SIPA1: variants seen among roughly 807,000 people sequenced by gnomAD.
The protein encoded by SIPA1 is signal-induced proliferation-associated protein 1.
Under a neutral mutation model 88.1 loss-of-function variants are expected in SIPA1, and 51 were observed. The observed-to-expected ratio is 0.58, with a 90% CI of 0.46 to 0.73. The LOEUF is 0.73. Among genes scored for constraint, SIPA1 ranks in the 30% least tolerant of loss-of-function variants. The probability of loss-of-function intolerance (pLI) is 0.00; values close to 1 mark genes in which losing one functional copy is unlikely to be tolerated. For synonymous variants in SIPA1, 681 were observed against 664.8 expected, an observed-to-expected ratio of 1.02 and a Z score of -0.37; for missense variants, 1,348 against 1,467.6, an observed-to-expected ratio of 0.92 and a Z score of 1.33.
In SIPA1 at chr11:65,646,451, C is replaced by A; in HGVS notation, c.1422-5C>A. ...CGCCCCTCACTAACGCCTCCCTCCC[C>A]GCAGGGTGGCCGTGAGCCGCACCCA... On this transcript the variant is annotated splice_region_variant and splice_polypyrimidine_tract_variant and intron_variant, in intron 7 of 15. Coordinates refer to ENST00000534313, the MANE Select transcript of SIPA1 (RefSeq NM_006747.4). The surrounding 1 kb of genome is among the most constrained non-coding windows in gnomAD (Gnocchi z 7.5). 6.3e-7 allele frequency: 1 copy of A among 1,587,682 alleles called. No homozygotes were observed. The highest frequency in any genetic ancestry group is 8.5e-7 in the Non-Finnish European group (1 of 1,171,534).
Position 65,646,885 on chromosome 11 carries a change from T to G in SIPA1, c.1851T>G (p.Ala617=). 1 of 1,509,396 alleles carries G rather than the reference T, an allele frequency of 6.6e-7. No homozygotes were observed. The highest frequency in any genetic ancestry group is 2.1e-5 in the Admixed American group (1 of 48,776). The allele number at this position is 1,509,396 out of a possible 1,614,324, so 93.5% of individuals were successfully genotyped here. The change falls in exon 8 of 16, where the codon GCT becomes GCG. Residue 617 remains alanine, a synonymous_variant. Coordinates refer to ENST00000534313, the MANE Select transcript of SIPA1 (RefSeq NM_006747.4). This position sits in a 1 kb window ranked among gnomAD's most constrained non-coding sequence, Gnocchi z 7.5. ...VPCLLGISAE[A]LVLVAPRDGR... is the part of the protein sequence containing the mutation. Reference sequence around the variant, plus strand: ...GCCTGCTGGGCATCTCGGCCGAGGCTCTGGTGCTGGTGGCGCCGCGCGACG... The same window carrying G: ...GCCTGCTGGGCATCTCGGCCGAGGCGCTGGTGCTGGTGGCGCCGCGCGACG...
In SIPA1 at chr11:65,647,446, G is replaced by A; in HGVS notation, c.2094G>A (p.Leu698=). 6.7e-7 allele frequency: 1 copy of A among 1,481,806 alleles called. No homozygotes were observed. Among genetic ancestry groups the A allele is most frequent in the Non-Finnish European group, 8.9e-7 (1 of 1,124,372 alleles). 91.8% of individuals were successfully genotyped at this position (1,481,806 alleles called of 1,614,324 possible). The part of the protein sequence containing the change: ...LALPRDGQGR[L]GFEVDAEGFV... ...TGCCCCGCGACGGTCAAGGCCGCCT[G>A]GGCTTCGAGGTGGACGCCGAGGGAT... Residue 698 remains leucine (L), a synonymous_variant, in exon 9 of 16, where the codon CTG becomes CTA. Coordinates refer to ENST00000534313, the MANE Select transcript of SIPA1 (RefSeq NM_006747.4).
chr11:65,642,064 C>G lies in SIPA1; in HGVS notation c.680-186C>G. 1.2e-6 allele frequency: 1 copy of G among 834,434 alleles called. No homozygotes were observed. The highest frequency in any genetic ancestry group is 1.8e-6 in the Non-Finnish European group (1 of 552,070). 51.7% of individuals were successfully genotyped at this position (834,434 alleles called of 1,614,324 possible). A position where few individuals can be genotyped will look rare whatever the true frequency, so the allele number is the denominator to read the frequency against. On this transcript the variant is annotated intron_variant, in intron 2 of 15. Coordinates refer to ENST00000534313, the MANE Select transcript of SIPA1 (RefSeq NM_006747.4). The surrounding 1 kb of genome is among the most constrained non-coding windows in gnomAD (Gnocchi z 6.5). ...CGTGGGTCTAGGTCTGGGTCTGGGT[C>G]CACCTCTGGGTCAGGGTTGAGATCA...
In SIPA1 at chr11:65,650,381, C is replaced by G. The variant is rs1361429675; in HGVS notation, c.2904-20C>G. The G allele has an allele frequency of 6.2e-7, 1 of 1,613,090 alleles. No homozygotes were observed. The highest frequency in any genetic ancestry group is 1.1e-5 in the South Asian group (1 of 91,018). On this transcript the variant is annotated intron_variant, in intron 14 of 15. Transcript: ENST00000534313. ...GCCCCCTGCCTTGGTCCTGCTGAGTCTTGACCCCCATGTCTTCAGGCCAGA... is the reference window on the plus strand; with the variant it reads ...GCCCCCTGCCTTGGTCCTGCTGAGTGTTGACCCCCATGTCTTCAGGCCAGA...
intron 14 of SIPA1, 41 bp downstream of exon 14, chr11:65,650,233 A>G (rs1856235948): frequency 6.2e-7 from 1 of 1,602,168 alleles, no homozygotes; most frequent in Non-Finnish European, 8.5e-7. Flanking sequence ...ACCTGCCCAC[A>G]TGACCCCCCC....
chr11:65,646,080 C>A lies in SIPA1; in HGVS notation c.1263+123C>A. The stretch of plus-strand genomic sequence containing the variant: ...CCAACAGCCCGCCCCTCTGGTGGCC[C>A]CTTCCCAAAGACAGAAACACCCTAG... On this transcript the variant is annotated intron_variant, in intron 6 of 15. Coordinates refer to ENST00000534313, the MANE Select transcript of SIPA1 (RefSeq NM_006747.4). This position sits in a 1 kb window ranked among gnomAD's most constrained non-coding sequence, Gnocchi z 7.5. 1.5e-6 allele frequency: 2 copies of A among 1,297,402 alleles called. No individual in the cohort carries two copies. The highest frequency in any genetic ancestry group is 2.2e-6 in the Non-Finnish European group (2 of 923,132). 80.4% of individuals were successfully genotyped at this position (1,297,402 alleles called of 1,614,324 possible). A position where few individuals can be genotyped will look rare whatever the true frequency, so the allele number is the denominator to read the frequency against.
chr11:65,648,634 G>C (rs1364663796), intron 9 of SIPA1, among the ~76,000 whole-genome samples: 1 of 152,100 alleles, frequency 6.6e-6, no homozygotes, highest in Non-Finnish European at 1.5e-5. Context: ...AGGAGTTCGA[G>C]ACCAGCCTGG....
In SIPA1 at chr11:65,646,044, C is replaced by T. The variant is rs756930780; in HGVS notation, c.1263+87C>T. On this transcript the variant is annotated intron_variant, in intron 6 of 15. Transcript: ENST00000534313. The surrounding 1 kb of genome is among the most constrained non-coding windows in gnomAD (Gnocchi z 7.5). Reference sequence around the variant, plus strand: ...CATGACGTTTGAGCTTTGGCCGGAGCTCTGTTGGCCCCAACAGCCCGCCCC... The same window carrying T: ...CATGACGTTTGAGCTTTGGCCGGAGTTCTGTTGGCCCCAACAGCCCGCCCC... The T allele has an allele frequency of 8.1e-5, 104 of 1,281,410 alleles. No individual in the cohort carries two copies. The highest frequency in any genetic ancestry group is 1.1e-4 in the Non-Finnish European group (103 of 907,742). The allele number at this position is 1,281,410 out of a possible 1,614,324, so 79.4% of individuals were successfully genotyped here.
In SIPA1 at chr11:65,644,960, C is replaced by T; in HGVS notation, c.990C>T (p.Ser330=). The T allele has an allele frequency of 1.2e-6, 2 of 1,612,276 alleles. No homozygotes were observed. The highest frequency in any genetic ancestry group is 1.7e-6 in the Non-Finnish European group (2 of 1,178,798). Residue 330 remains serine (S), a synonymous_variant, in exon 5 of 16, where the codon AGC becomes AGT. Coordinates refer to ENST00000534313, the MANE Select transcript of SIPA1 (RefSeq NM_006747.4). ...TLLTLDEQVL[S]FQRKVGILYC... Reference sequence around the variant, plus strand: ...CTTCTGTCTCCCACCCACAGCTGAGCTTCCAACGCAAGGTGGGCATCCTGT... The same window carrying T: ...CTTCTGTCTCCCACCCACAGCTGAGTTTCCAACGCAAGGTGGGCATCCTGT...
At position 65,649,490 on chromosome 11, in the gene SIPA1, C is replaced by T. The variant is rs1231246127; in HGVS notation, c.2525+10C>T. On this transcript the variant is annotated intron_variant, in intron 10 of 15. Transcript: ENST00000534313. ...CGCTGTCACCACGCAGGTGCACACT[C>T]TTGGCCTTCCCTCTCCTCCAGGCCT... is the stretch of plus-strand genomic sequence containing the variant. The T allele has an allele frequency of 1.2e-6, 2 of 1,613,718 alleles. No homozygotes were observed. The highest frequency in any genetic ancestry group is 1.7e-6 in the Non-Finnish European group (2 of 1,179,708).
chr11:65,643,123 G>C (rs1342065322), intron 4 of SIPA1, among the ~76,000 whole-genome samples: 1 of 152,076 alleles, frequency 6.6e-6, no homozygotes, highest in Admixed American at 6.6e-5. Flanking sequence ...TACCATGTTG[G>C]CCACGCTGGT....
intron 5 of SIPA1, 57 bp downstream of exon 5, chr11:65,645,186 A>G: frequency 5.9e-6 from 9 of 1,516,444 alleles, no homozygotes; most frequent in Non-Finnish European, 8.1e-6. Context: ...GGTGAGCACA[A>G]ATTGCCTTGT....
rs1855931785 is a variant in SIPA1 at position 65,638,112 on chromosome 11, C to CGGGAGCGGTAGCGG, written c.-160_-147dup. The CGGGAGCGGTAGCGG allele has an allele frequency of 6.6e-6, 1 of 151,536 alleles. No homozygotes were observed. Among genetic ancestry groups the CGGGAGCGGTAGCGG allele is most frequent in the African/African-American group, 2.4e-5 (1 of 41,178 alleles). The allele number at this position is 151,536 out of a possible 1,614,324, so 9.4% of individuals were successfully genotyped here. On this transcript the variant is annotated 5_prime_UTR_variant, in exon 1 of 16. Coordinates refer to ENST00000534313, the MANE Select transcript of SIPA1 (RefSeq NM_006747.4). The stretch of plus-strand genomic sequence containing the variant: ...CCCCGCCCCCAGGCGGAGCCGGCGC[C>CGGGAGCGGTAGCGG]GGGAGCGGTAGCGGGAGAGCGGCAG...
At chr11:65,647,214 C>T (rs925057661) in intron 8 of SIPA1, 149 bp downstream of exon 8, 53 of 1,398,100 alleles carry the variant, frequency 3.8e-5, no homozygotes, top group African/African-American at 1.6e-4. Context: ...AAGGCCGGAA[C>T]TGGTGCCCTC....
In SIPA1 at chr11:65,647,471, T is replaced by A; in HGVS notation, c.2119T>A (p.Phe707Ile). 6.8e-7 allele frequency: 1 copy of A among 1,479,488 alleles called. No homozygotes were observed. The highest frequency in any genetic ancestry group is 8.9e-7 in the Non-Finnish European group (1 of 1,123,632). The allele number at this position is 1,479,488 out of a possible 1,614,324, so 91.6% of individuals were successfully genotyped here. The stretch of plus-strand genomic sequence containing the variant: ...GGGCTTCGAGGTGGACGCCGAGGGA[T>A]TCGTCACGCACGTGGAGCGCTTCAC... The part of the protein sequence containing the change: ...RLGFEVDAEG[F>I]VTHVERFTFA... The change falls in exon 9 of 16, where the codon TTC (phenylalanine) becomes ATC (isoleucine). Residue 707 changes from phenylalanine (F) to isoleucine (I), a missense_variant. By Grantham distance (21) the Phe-to-Ile change is conservative. Coordinates refer to ENST00000534313, the MANE Select transcript of SIPA1 (RefSeq NM_006747.4).
chr11:65,647,770 C>G, intron 9 of SIPA1, 112 bp downstream of exon 9: 1 of 851,808 alleles, frequency 1.2e-6, no homozygotes, highest in Non-Finnish European at 1.5e-6. Flanking sequence ...GGATACCTTT[C>G]CTTCTGGAAA....
intron 15 of SIPA1, 22 bp downstream of exon 15, chr11:65,650,501 G>A (rs764845138): frequency 6.2e-6 from 10 of 1,613,906 alleles, no homozygotes; most frequent in South Asian, 1.1e-5. Context: ...GCTGAGCTTG[G>A]GGGGAGTCAC....
chr11:65,639,563 C>T (rs936870196), intron 1 of SIPA1, among the ~76,000 whole-genome samples: 1 of 152,002 alleles, frequency 6.6e-6, no homozygotes, highest in Admixed American at 6.5e-5. Context: ...CCCTCCTCCA[C>T]CCCCCTCCGG....
chr11:65,642,057 T>C lies in SIPA1; in HGVS notation c.680-193T>C, dbSNP rs918620415. 36 of 780,938 alleles carry C rather than the reference T, an allele frequency of 4.6e-5. No individual in the cohort carries two copies. The highest frequency in any genetic ancestry group is 2.8e-5 in the Non-Finnish European group (14 of 506,464). The allele number at this position is 780,938 out of a possible 1,614,324, so 48.4% of individuals were successfully genotyped here. A position where few individuals can be genotyped will look rare whatever the true frequency, so the allele number is the denominator to read the frequency against. On this transcript the variant is annotated intron_variant, in intron 2 of 15. Transcript: ENST00000534313. This position sits in a 1 kb window ranked among gnomAD's most constrained non-coding sequence, Gnocchi z 6.5. ...CTGGCCGCGTGGGTCTAGGTCTGGG[T>C]CTGGGTCCACCTCTGGGTCAGGGTT...
Sources: allele counts gnomAD v4.1 joint callset (sites outside exome capture counted in the v4.1 genomes callset), GRCh38; gene constraint gnomAD v4.1.1; non-coding constraint Gnocchi (gnomAD v3.1); transcripts MANE v1.5; gene names NCBI Gene and HGNC (gene_info 2026-07-23, HGNC 2026-07-21).